Variants in RBMS3 observed in about 807,000 individuals in gnomAD.
RBMS3 encodes the protein RNA binding motif single stranded interacting protein 3, also known as RNA-binding motif, single-stranded-interacting protein 3.
In RBMS3, 27 loss-of-function variants were observed where a neutral mutation model predicts 66.8. That is an observed-to-expected ratio of 0.40 (90% confidence interval 0.30 to 0.56). RBMS3 has a LOEUF of 0.56. RBMS3 is among the 20% of genes least tolerant of loss of function. RBMS3 has a pLI of 0.40. For synonymous variants in RBMS3, 188 were observed against 183.0 expected (o/e 1.03, Z -0.22); for missense variants, 513 against 549.5 (o/e 0.93, Z 0.66).
intron 1 of RBMS3, among the ~76,000 whole-genome samples, chr3:29,306,555 A>G (rs1202441847): frequency 1.3e-5 from 2 of 152,014 alleles, no homozygotes; most frequent in African/African-American, 4.8e-5. Context: ...CAATAATAAG[A>G]TAAAGAAGTG....
At chr3:29,836,816 A>G (rs1365683540) in intron 6 of RBMS3, among the ~76,000 whole-genome samples, 1 of 151,554 alleles carries the variant, frequency 6.6e-6, no homozygotes, top group Non-Finnish European at 1.5e-5. Flanking sequence ...AAAACATCAC[A>G]TTGTACACCT....
intron 3 of RBMS3, among the ~76,000 whole-genome samples, chr3:29,539,761 G>A (rs1559451155): frequency 1.3e-5 from 2 of 152,088 alleles, no homozygotes; most frequent in Admixed American, 6.6e-5. Context: ...GACATCAGGA[G>A]TACCCCACAT....
intron 12 of RBMS3, among the ~76,000 whole-genome samples, chr3:29,965,793 A>C (rs1157004012): frequency 6.6e-6 from 1 of 152,182 alleles, no homozygotes; most frequent in Non-Finnish European, 1.5e-5. Flanking sequence ...GTTGGTCATG[A>C]AATCCTTGCC....
chr3:29,815,320 A>G (rs2057854491), intron 6 of RBMS3, among the ~76,000 whole-genome samples: 1 of 152,168 alleles, frequency 6.6e-6, no homozygotes, highest in South Asian at 2.1e-4. Flanking sequence ...TGCAGCAATT[A>G]TTATTTATAG....
chr3:30,004,207 A>AAT lies in RBMS3; in HGVS notation c.*345_*346insAT. On this transcript the variant is annotated 3_prime_UTR_variant, in exon 15 of 15. Coordinates refer to ENST00000383767, the MANE Select transcript of RBMS3 (RefSeq NM_001003793.3). The stretch of plus-strand genomic sequence containing the variant: ...TCAGAATTTTTCTGAAGGTGTAGAT[A>AAT]CTTTTTTTTTTTTTTTAACAGAAAA... 5.3e-6 allele frequency: 1 copy of AAT among 187,512 alleles called. No homozygotes were observed. The highest frequency in any genetic ancestry group is 1.9e-3 in the Middle Eastern group (1 of 514). The allele number at this position is 187,512 out of a possible 1,614,324, so 11.6% of individuals were successfully genotyped here. A position where few individuals can be genotyped will look rare whatever the true frequency, so the allele number is the denominator to read the frequency against.
intron 2 of RBMS3, among the ~76,000 whole-genome samples, chr3:29,455,705 A>G (rs145790113): frequency 0.01 from 1,597 of 152,220 alleles, 30 homozygotes; most frequent in African/African-American, 0.037. Flanking sequence ...CTTTCTCAGG[A>G]AGGTGCATCC....
At chr3:29,701,225 TGAG>T (rs1260397746) in intron 4 of RBMS3, among the ~76,000 whole-genome samples, 1 of 151,176 alleles carries the variant, frequency 6.6e-6, no homozygotes, top group Admixed American at 6.6e-5. Flanking sequence ...TGCAGTGAGC[TGAG>T]ATCGCGCCAT....
At chr3:29,472,610 G>T (rs1460072883) in intron 2 of RBMS3, among the ~76,000 whole-genome samples, 1 of 152,052 alleles carries the variant, frequency 6.6e-6, no homozygotes, top group African/African-American at 2.4e-5. Context: ...TGGGTTCGTG[G>T]TCTCACTGGC....
intron 4 of RBMS3, among the ~76,000 whole-genome samples, chr3:29,707,251 C>T (rs936793598): frequency 3.9e-5 from 6 of 152,136 alleles, no homozygotes. Flanking sequence ...TATTTAGTTT[C>T]TCTTTTACAG....
intron 4 of RBMS3, among the ~76,000 whole-genome samples, chr3:29,598,526 T>C (rs765848596): frequency 2.0e-5 from 3 of 152,104 alleles, no homozygotes; most frequent in Non-Finnish European, 2.9e-5. Flanking sequence ...ACAAAAGTCC[T>C]GTTTTTCTTA....
chr3:29,827,061 C>T (rs957398431), intron 6 of RBMS3, among the ~76,000 whole-genome samples: 6 of 152,088 alleles, frequency 3.9e-5, no homozygotes, highest in Non-Finnish European at 7.4e-5. Context: ...GTATAGCTAC[C>T]TACATTCCAG....
chr3:29,656,839 A>G (rs2050344068), intron 4 of RBMS3, among the ~76,000 whole-genome samples: 1 of 152,190 alleles, frequency 6.6e-6, no homozygotes, highest in South Asian at 2.1e-4. Flanking sequence ...CTACTGAAAC[A>G]TACCTCAACA....
At chr3:29,297,671 G>A (rs1332614831) in intron 1 of RBMS3, among the ~76,000 whole-genome samples, 4 of 151,790 alleles carry the variant, frequency 2.6e-5, no homozygotes, top group Non-Finnish European at 5.9e-5. Flanking sequence ...TGAATATATT[G>A]GAAAGTTGTC....
At chr3:29,378,856 A>T (rs527893797) in intron 1 of RBMS3, among the ~76,000 whole-genome samples, 2 of 152,312 alleles carry the variant, frequency 1.3e-5, no homozygotes, top group East Asian at 3.9e-4. Context: ...AAAATATATA[A>T]AACCAAAATG....
chr3:29,433,778 A>G (rs1395336502), intron 1 of RBMS3, among the ~76,000 whole-genome samples: 1 of 152,212 alleles, frequency 6.6e-6, no homozygotes, highest in Non-Finnish European at 1.5e-5. Context: ...GGTATGTATA[A>G]TTTTAAAAAC....
intron 6 of RBMS3, among the ~76,000 whole-genome samples, chr3:29,849,768 C>A (rs1383400763): frequency 6.6e-6 from 1 of 152,090 alleles, no homozygotes; most frequent in Non-Finnish European, 1.5e-5. Context: ...CAGTTCATTT[C>A]CATTTTGATG....
intron 10 of RBMS3, among the ~76,000 whole-genome samples, chr3:29,904,695 T>C (rs1049252213): frequency 6.6e-6 from 1 of 152,048 alleles, no homozygotes; most frequent in African/African-American, 2.4e-5. Flanking sequence ...TTTTTCTTTC[T>C]CCATAACCTC....
At chr3:29,997,100 C>T (rs1432750722) in intron 14 of RBMS3, among the ~76,000 whole-genome samples, 1 of 151,562 alleles carries the variant, frequency 6.6e-6, no homozygotes, top group African/African-American at 2.4e-5. Context: ...CCACCGATCC[C>T]ACAGAAATAC....
At chr3:29,299,488 T>C (rs895522243) in intron 1 of RBMS3, among the ~76,000 whole-genome samples, 4 of 151,854 alleles carry the variant, frequency 2.6e-5, no homozygotes, top group African/African-American at 9.7e-5. Flanking sequence ...ACATTTTGAC[T>C]AAAATAATAT....
Sources: gnomAD v4.1 joint callset for allele counts (sites outside exome capture counted in the v4.1 genomes callset) on GRCh38, gnomAD v4.1.1 for gene constraint, MANE v1.5 for transcripts, NCBI Gene and HGNC (gene_info 2026-07-23, HGNC 2026-07-21) for gene names.